Variants in CHAT observed in about 807,000 individuals in gnomAD.
The protein encoded by CHAT is acetyl CoA:choline O-acetyltransferase.
Under a neutral mutation model 76.9 loss-of-function variants are expected in CHAT, and 61 were observed. The ratio of observed to expected loss-of-function variants is 0.79; its 90% CI spans 0.65 to 0.98. CHAT has a LOEUF of 0.98. Among genes scored for constraint, CHAT ranks in the 50% least tolerant of loss-of-function variants. CHAT has a pLI of 0.00. For missense variants in CHAT, 946 were observed against 986.9 expected (o/e 0.96, Z 0.56); for synonymous variants, 407 against 397.4 (o/e 1.02, Z -0.29).
Position 49,619,802 on chromosome 10 carries a change from T to G in CHAT, c.465T>G (p.Ser155=), listed in dbSNP as rs1334520947. The part of the protein sequence containing the change: ...TYLQCMRHLV[S]EEQFRKSQAI... ...TGCAGTGCATGCGACACTTGGTGTCTGAGGAGCAGTTCAGGAAGAGCCAGG... is the reference window on the plus strand; with the variant it reads ...TGCAGTGCATGCGACACTTGGTGTCGGAGGAGCAGTTCAGGAAGAGCCAGG... The change falls in exon 3 of 15, where the codon TCT becomes TCG. Residue 155 remains serine (S), a synonymous_variant. Coordinates refer to ENST00000337653, the MANE Select transcript of CHAT (RefSeq NM_020549.5). 2.5e-6 allele frequency: 4 copies of G among 1,613,968 alleles called. No individual in the cohort carries two copies. Among genetic ancestry groups the G allele is most frequent in the Non-Finnish European group, 3.4e-6 (4 of 1,180,024 alleles).
chr10:49,627,567 G>A, intron 6 of CHAT, 41 bp from the exon 7 acceptor site: 1 of 1,608,334 alleles, frequency 6.2e-7, no homozygotes, highest in African/African-American at 1.3e-5. Flanking sequence ...GGTGCCACGG[G>A]CCACCCAACA....
chr10:49,624,731 G>GGATGGATGGATGGATGGATGGATGGAAA (rs1838854031), intron 5 of CHAT, among the ~76,000 whole-genome samples: 1 of 35,522 alleles, frequency 2.8e-5, no homozygotes, highest in Admixed American at 2.3e-4. Flanking sequence ...ATGGATGGAC[G>GGATGGATGGATGGATGGATGGATGGAAA]GATGGATGGA....
At chr10:49,662,604 G>A in intron 13 of CHAT, 41 bp from the exon 14 acceptor site, 3 of 1,612,628 alleles carry the variant, frequency 1.9e-6, no homozygotes, top group South Asian at 2.2e-5. Context: ...GGTGCAGGAG[G>A]CCCACTTCTC....
intron 13 of CHAT, among the ~76,000 whole-genome samples, chr10:49,656,386 G>T (rs1840037914): frequency 6.6e-6 from 1 of 150,786 alleles, no homozygotes; most frequent in Non-Finnish European, 1.5e-5. Flanking sequence ...CCTGTCCTTA[G>T]GGAGGTTACC....
At chr10:49,623,480 T>C (rs1436306759) in intron 5 of CHAT, among the ~76,000 whole-genome samples, 1 of 152,224 alleles carries the variant, frequency 6.6e-6, no homozygotes, top group African/African-American at 2.4e-5. Context: ...AATGTAGTTA[T>C]GCTGGGAAGA....
chr10:49,651,681 A>G, intron 10 of CHAT: 1 of 566,796 alleles, frequency 1.8e-6, no homozygotes, highest in South Asian at 2.0e-5. Flanking sequence ...GGGTCATAGT[A>G]GTCCTGGCCT....
At position 49,649,711 on chromosome 10, in the gene CHAT, C is replaced by A; in HGVS notation, c.1511+75C>A. ...CCCTTGCCTACTAGCTCCCAAGGCT[C>A]CCTGGAAGTTTCCAAAGACCCCAGC... is the stretch of plus-strand genomic sequence containing the variant. On this transcript the variant is annotated intron_variant, in intron 10 of 14. Coordinates refer to ENST00000337653, the MANE Select transcript of CHAT (RefSeq NM_020549.5). 24 of 1,560,856 alleles carry A rather than the reference C, an allele frequency of 1.5e-5. 1 individual carries two copies. In the South Asian group the frequency reaches 2.7e-4, roughly 17 times the overall value.
At chr10:49,650,832 G>T (rs1023060572) in intron 10 of CHAT, among the ~76,000 whole-genome samples, 1 of 152,164 alleles carries the variant, frequency 6.6e-6, no homozygotes, top group African/African-American at 2.4e-5. Flanking sequence ...TGGGCATGGA[G>T]GGGCCTCAGG....
chr10:49,646,449 G>A (rs1216150561), intron 7 of CHAT, 56 bp from the exon 8 acceptor site: 1 of 1,604,638 alleles, frequency 6.2e-7, no homozygotes, highest in Non-Finnish European at 8.5e-7. Context: ...GCTCTGAGGA[G>A]GGAAGACTGG....
chr10:49,639,540 TAC>T lies in CHAT; in HGVS notation c.1112-6937_1112-6936del, dbSNP rs3050615. On this transcript the variant is annotated intron_variant, in intron 7 of 14. Coordinates refer to ENST00000337653, the MANE Select transcript of CHAT (RefSeq NM_020549.5). ...ATAGAATATATATATAGTATATATA[TAC>T]ACACACACACACACACACACACACA... 1.7e-3 allele frequency among the ~76,000 whole-genome samples: 248 copies of T among 147,806 alleles called. 2 individuals carry two copies. The highest frequency in any genetic ancestry group is 4.9e-3 in the African/African-American group (195 of 39,970).
intron 5 of CHAT, among the ~76,000 whole-genome samples, chr10:49,623,512 C>T (rs1055544173): frequency 6.6e-6 from 1 of 152,174 alleles, no homozygotes; most frequent in African/African-American, 2.4e-5. Flanking sequence ...AAGGCCTCAT[C>T]CTCCCCTCAA....
At chr10:49,657,685 C>T (rs935802193) in intron 13 of CHAT, among the ~76,000 whole-genome samples, 13 of 152,190 alleles carry the variant, frequency 8.5e-5, no homozygotes, top group African/African-American at 2.9e-4. Flanking sequence ...CCTTCAGCCA[C>T]TCAGCTCCAT....
At chr10:49,613,489 G>C (rs563448924), upstream of CHAT, among the ~76,000 whole-genome samples, 1 of 152,320 alleles carries the variant, frequency 6.6e-6, no homozygotes, top group Admixed American at 6.5e-5. Flanking sequence ...TGATGATCGA[G>C]GCAGAGTCTT....
chr10:49,627,784 A>C lies in CHAT; in HGVS notation c.1110A>C (p.Lys370Asn). Residue 370 changes from lysine (K) to asparagine (N), a missense_variant and splice_region_variant, in exon 7 of 15, where the codon AAA (lysine) becomes AAC (asparagine). Lys to Asn is a moderately conservative substitution (Grantham distance 94). This residue lies in a region of CHAT where 548 missense variants were observed against 516.2 expected (regional missense o/e 1.06). Coordinates refer to ENST00000337653, the MANE Select transcript of CHAT (RefSeq NM_020549.5). ...CCGAGGCCAGGACGGTCCTCGTGAA[A>C]GGTCAGCCGCAGTGCCCAGCACATC... ...EWAEARTVLV[K>N]DSTNRDSLDM... 6.2e-7 allele frequency: 1 copy of C among 1,613,316 alleles called. No individual in the cohort carries two copies. Among genetic ancestry groups the C allele is most frequent in the Non-Finnish European group, 8.5e-7 (1 of 1,179,844 alleles).
intron 7 of CHAT, among the ~76,000 whole-genome samples, chr10:49,642,174 T>A (rs973499663): frequency 7.2e-5 from 11 of 152,224 alleles, no homozygotes; most frequent in African/African-American, 2.7e-4. Flanking sequence ...ATGTGCTCGA[T>A]GAGGATGCCA....
intron 13 of CHAT, 136 bp downstream of exon 13, chr10:49,655,584 C>T (rs1303814411): frequency 1.3e-6 from 1 of 755,278 alleles, no homozygotes; most frequent in African/African-American, 1.7e-5. Context: ...GCCACTTCAC[C>T]ACTCGGTCTC....
At chr10:49,655,337 C>T in intron 12 of CHAT, 49 bp from the exon 13 acceptor site, 1 of 1,612,344 alleles carries the variant, frequency 6.2e-7, no homozygotes, top group Non-Finnish European at 8.5e-7. Context: ...GATGCTTTGG[C>T]TCCAAGCAGC....
At chr10:49,635,811 T>C (rs2889758) in intron 7 of CHAT, among the ~76,000 whole-genome samples, 48,106 of 152,086 alleles carry the variant, frequency 0.32, 8,338 homozygotes, top group Middle Eastern at 0.49. Flanking sequence ...AAAAAGCTTA[T>C]AGCTAACATC....
chr10:49,647,748 CT>C lies in CHAT; in HGVS notation c.1282-757del, dbSNP rs1467916690. On this transcript the variant is annotated intron_variant, in intron 8 of 14. Coordinates refer to ENST00000337653, the MANE Select transcript of CHAT (RefSeq NM_020549.5). ...TTTTCAAAAGACACCGCTTTCCTTCCTTCCTTCCTTCCTTCCTTCCTTCCTT... is the reference window on the plus strand; with the variant it reads ...TTTTCAAAAGACACCGCTTTCCTTCCTCCTTCCTTCCTTCCTTCCTTCCTT... Among the ~76,000 whole-genome samples the C allele has an allele frequency of 7.0e-3, 40 of 5,722 alleles. 1 individual carries two copies. The highest frequency in any genetic ancestry group is 0.5 in the Middle Eastern group (1 of 2). 3.8% of individuals were successfully genotyped at this position (5,722 alleles called of 152,430 possible). A position where few individuals can be genotyped will look rare whatever the true frequency, so the allele number is the denominator to read the frequency against.
Sources: allele counts gnomAD v4.1 joint callset (sites outside exome capture counted in the v4.1 genomes callset), GRCh38; gene constraint gnomAD v4.1.1; regional missense constraint gnomAD v4.1.1; transcripts MANE v1.5; gene names NCBI Gene and HGNC (gene_info 2026-07-23, HGNC 2026-07-21).